The following REPS2 variants were observed in gnomAD, a reference collection of about 807,000 sequenced individuals.
REPS2 encodes ralBP1-associated Eps domain-containing protein 2.
A neutral mutation model predicts 53.6 loss-of-function variants in REPS2; 23 were observed. That is an observed-to-expected ratio of 0.43 (90% CI 0.31 to 0.61). The LOEUF (loss-of-function observed/expected upper bound fraction) is 0.61. Ranked by LOEUF, REPS2 falls within the 20% of genes least tolerant of loss-of-function variation. REPS2 has a pLI of 0.11. For synonymous variants in REPS2, 238 were observed against 218.6 expected (o/e 1.09, Z -0.78); for missense variants, 446 against 534.9 (o/e 0.83, Z 1.64).
At chrX:17,118,046 G>A (rs1364858515) in intron 14 of REPS2, among the ~76,000 whole-genome samples, 2 of 84,447 alleles carry the variant, frequency 2.4e-5, no homozygotes, top group African/African-American at 4.5e-5. Context: ...TGCAAGCTCC[G>A]CCTCCCGGGT....
Position 17,083,385 on chromosome X carries a change from C to T in REPS2, c.1516+5978C>T, listed in dbSNP as rs774176152. Among the ~76,000 whole-genome samples, 529 of 111,267 alleles carry T rather than the reference C, an allele frequency of 4.8e-3. 7 individuals carry two copies. The highest frequency in any genetic ancestry group is 0.016 in the African/African-American group (500 of 30,614). ...AGGCATGAGCCACTGCGCCCAGCCC[C>T]GAGCACTCTTTTAAGCTCTGATGCG... On this transcript the variant is annotated intron_variant, in intron 13 of 17. Coordinates refer to ENST00000357277, the MANE Select transcript of REPS2 (RefSeq NM_004726.3).
the REPS2 span, among the ~76,000 whole-genome samples, chrX:17,179,902 G>C: frequency 8.9e-6 from 1 of 112,156 alleles, no homozygotes; most frequent in Non-Finnish European, 1.9e-5. Flanking sequence ...TTATTGCAAA[G>C]AATCAGTTAG....
intron 14 of REPS2, among the ~76,000 whole-genome samples, chrX:17,107,280 T>C (rs2062887255): frequency 8.9e-6 from 1 of 112,355 alleles, no homozygotes; most frequent in African/African-American, 3.2e-5. Flanking sequence ...TCTGGATTCA[T>C]GTATTATGAA....
At chrX:17,035,937 T>C (rs998390576) in intron 5 of REPS2, among the ~76,000 whole-genome samples, 4 of 112,094 alleles carry the variant, frequency 3.6e-5, no homozygotes, top group African/African-American at 1.3e-4. Flanking sequence ...ACAATAAGCT[T>C]TATTAACGTT....
At chrX:17,010,388 C>G (rs1397457834) in intron 2 of REPS2, among the ~76,000 whole-genome samples, 3 of 111,664 alleles carry the variant, frequency 2.7e-5, no homozygotes, top group Non-Finnish European at 5.6e-5. Context: ...TATCAAATGC[C>G]CAACCAAGAG....
At chrX:17,169,288 C>A in the REPS2 span, among the ~76,000 whole-genome samples, 103 of 112,438 alleles carry the variant, frequency 9.2e-4, no homozygotes, top group Non-Finnish European at 1.0e-3. Flanking sequence ...AAAACTGGAT[C>A]ATCCTGATGA....
chrX:17,151,187 G>C lies in REPS2; in HGVS notation c.*3706G>C, dbSNP rs1008170080. ...GAACTCAATATGTAGTTAAGTTATAGTTTTCTTCAATGTATTTTTAGTTAC... is the reference window on the plus strand; with the variant it reads ...GAACTCAATATGTAGTTAAGTTATACTTTTCTTCAATGTATTTTTAGTTAC... On this transcript the variant is annotated 3_prime_UTR_variant, in exon 18 of 18. Coordinates refer to ENST00000357277, the MANE Select transcript of REPS2 (RefSeq NM_004726.3). 1.8e-5 allele frequency: 2 copies of C among 112,072 alleles called. No homozygotes were observed. The highest frequency in any genetic ancestry group is 3.8e-5 in the Non-Finnish European group (2 of 53,187). The allele number at this position is 112,072 out of a possible 1,213,427, so 9.2% of individuals were successfully genotyped here.
In REPS2 at chrX:17,138,930, G is replaced by C. The variant is rs760146484; in HGVS notation, c.1883G>C (p.Arg628Pro). 1 of 1,198,647 alleles carries C rather than the reference G, an allele frequency of 8.3e-7. No individual in the cohort carries two copies. Among genetic ancestry groups the C allele is most frequent in the Non-Finnish European group, 1.1e-6 (1 of 888,908 alleles). Residue 628 changes from arginine (R) to proline (P), a missense_variant, in exon 17 of 18, where the codon CGG (arginine) becomes CCG (proline). Coordinates refer to ENST00000357277, the MANE Select transcript of REPS2 (RefSeq NM_004726.3). ...AAAGAGGCAAACGCAGTGCTGGCTCGGCTGAACAGTGAGCTCCAGCAGCAG... is the reference window on the plus strand; with the variant it reads ...AAAGAGGCAAACGCAGTGCTGGCTCCGCTGAACAGTGAGCTCCAGCAGCAG... ...KNKEANAVLA[R>P]LNSELQQQLK...
At chrX:17,074,552 A>G (rs1169717662) in intron 12 of REPS2, 1 of 125,832 alleles carries the variant, frequency 7.9e-6, no homozygotes, top group East Asian at 2.3e-4. Flanking sequence ...GGGTAATAAA[A>G]TCTACAGTAG....
intron 1 of REPS2, among the ~76,000 whole-genome samples, chrX:16,960,553 T>C (rs1281699565): frequency 2.7e-5 from 3 of 112,249 alleles, no homozygotes; most frequent in African/African-American, 9.7e-5. Context: ...GGGAGAAAAC[T>C]GAAAGCTTTT....
chrX:16,951,500 T>TACACACACACACACAC (rs1157042780), intron 1 of REPS2, among the ~76,000 whole-genome samples: 2 of 60,121 alleles, frequency 3.3e-5, no homozygotes, highest in African/African-American at 1.3e-4. Context: ...AAACCCCATC[T>TACACACACACACACAC]ACACACACAC....
intron 13 of REPS2, among the ~76,000 whole-genome samples, chrX:17,096,406 TC>T (rs1663361583): frequency 9.0e-6 from 1 of 110,536 alleles, no homozygotes; most frequent in Non-Finnish European, 1.9e-5. Flanking sequence ...ACGCCTGTAA[TC>T]CCAGCACTTT....
At chrX:16,997,602 A>G (rs1452343891) in intron 1 of REPS2, among the ~76,000 whole-genome samples, 1 of 112,885 alleles carries the variant, frequency 8.9e-6, no homozygotes, top group Non-Finnish European at 1.9e-5. Flanking sequence ...AAAAGTCATA[A>G]GAGATCACTG....
chrX:17,077,189 C>T lies in REPS2; in HGVS notation c.1380-82C>T, dbSNP rs374499603. On this transcript the variant is annotated intron_variant, in intron 12 of 17. Coordinates refer to ENST00000357277, the MANE Select transcript of REPS2 (RefSeq NM_004726.3). ...CGGTTCTTTGTAGTCACTTTGACTTCGTGGGTATTTTCCATTTCACCCCAA... is the reference window on the plus strand; with the variant it reads ...CGGTTCTTTGTAGTCACTTTGACTTTGTGGGTATTTTCCATTTCACCCCAA... The T allele has an allele frequency of 2.7e-5, 27 of 1,014,654 alleles. No homozygotes were observed. In the South Asian group the frequency reaches 5.5e-4, roughly 21 times the overall value. 83.6% of individuals were successfully genotyped at this position (1,014,654 alleles called of 1,213,427 possible). A position where few individuals can be genotyped will look rare whatever the true frequency, so the allele number is the denominator to read the frequency against.
chrX:17,109,962 C>T (rs1381980138), intron 14 of REPS2, among the ~76,000 whole-genome samples: 1 of 112,453 alleles, frequency 8.9e-6, no homozygotes, highest in Non-Finnish European at 1.9e-5. Flanking sequence ...AAATATTCAA[C>T]ACCATTTTAA....
Position 16,959,027 on chromosome X carries a change from T to A in REPS2, c.273+11893T>A, listed in dbSNP as rs781397900. Among the ~76,000 whole-genome samples, 4 of 112,657 alleles carry A rather than the reference T, an allele frequency of 3.6e-5. No homozygotes were observed. The South Asian group carries it at 1.5e-3, about 41-fold the overall frequency. ...TGACTGGTTCATCTGAGGTTCTTCC[T>A]ATTTCTCCAAGGAAGCCTTGAGGAA... On this transcript the variant is annotated intron_variant, in intron 1 of 17. Transcript: ENST00000357277.
chrX:17,187,979 T>C, the REPS2 span, among the ~76,000 whole-genome samples: 1 of 112,331 alleles, frequency 8.9e-6, no homozygotes, highest in Non-Finnish European at 1.9e-5. Flanking sequence ...TGCCTTTCAC[T>C]TTTTTCGGAA....
At chrX:16,995,844 G>C (rs903739872) in intron 1 of REPS2, among the ~76,000 whole-genome samples, 1 of 111,784 alleles carries the variant, frequency 8.9e-6, no homozygotes, top group African/African-American at 3.3e-5. Context: ...ACAGTAAACT[G>C]TATTTGGGAT....
chrX:17,013,888 G>A (rs1455394496), intron 2 of REPS2, among the ~76,000 whole-genome samples: 10 of 110,764 alleles, frequency 9.0e-5, no homozygotes, highest in Non-Finnish European at 1.9e-4. Flanking sequence ...CTGACTGTAC[G>A]GCTGGACATT....
Sources: allele counts gnomAD v4.1 joint callset (sites outside exome capture counted in the v4.1 genomes callset), GRCh38; gene constraint gnomAD v4.1.1; transcripts MANE v1.5; gene names NCBI Gene and HGNC (gene_info 2026-07-23, HGNC 2026-07-21).